Variants in GALM observed in about 807,000 individuals in gnomAD.
The protein encoded by GALM is galactose mutarotase.
Under a neutral mutation model 37.4 loss-of-function variants are expected in GALM, and 43 were observed. The observed-to-expected ratio is 1.15, with a 90% CI of 0.90 to 1.48. GALM has a LOEUF of 1.48. Among genes scored for constraint, GALM ranks in the 40% most tolerant of loss-of-function variants. The pLI is 0.00. For missense variants in GALM, 456 were observed against 419.1 expected (o/e 1.09, Z -0.77); for synonymous variants, 199 against 170.6 (o/e 1.17, Z -1.30).
intron 4 of GALM, among the ~76,000 whole-genome samples, chr2:38,711,788 C>CCATCAT (rs1666170574): frequency 2.3e-5 from 2 of 88,142 alleles, no homozygotes; most frequent in African/African-American, 4.2e-5. Flanking sequence ...ACTGTCACCA[C>CCATCAT]CATCACCATC....
At chr2:38,699,727 T>C (rs1665879009) in intron 4 of GALM, among the ~76,000 whole-genome samples, 2 of 152,234 alleles carry the variant, frequency 1.3e-5, no homozygotes, top group South Asian at 4.1e-4. Context: ...TCTGTGTATT[T>C]GTACAATTTC....
chr2:38,710,334 C>T (rs36027410), intron 4 of GALM, among the ~76,000 whole-genome samples: 1 of 152,204 alleles, frequency 6.6e-6, no homozygotes, highest in Admixed American at 6.5e-5. Flanking sequence ...TCCCAGACTT[C>T]TGCATTCTGC....
At chr2:38,686,271 TCTTTCTTA>T (rs1665528225) in intron 3 of GALM, among the ~76,000 whole-genome samples, 2 of 121,318 alleles carry the variant, frequency 1.6e-5, no homozygotes, top group Non-Finnish European at 3.5e-5. Flanking sequence ...TTTCTTTCTT[TCTTTCTTA>T]TTTTGAGATG....
intron 4 of GALM, among the ~76,000 whole-genome samples, chr2:38,691,954 C>G (rs1205225259): frequency 6.6e-6 from 1 of 152,118 alleles, no homozygotes; most frequent in Non-Finnish European, 1.5e-5. Flanking sequence ...TTTCTGGGGA[C>G]CAGTGAAAAT....
intron 4 of GALM, among the ~76,000 whole-genome samples, chr2:38,714,469 C>G (rs1666230677): frequency 1.3e-5 from 2 of 152,100 alleles, no homozygotes; most frequent in African/African-American, 4.8e-5. Context: ...CCCACCTCAG[C>G]CTGCAAAAGT....
chr2:38,713,587 G>A (rs1666212616), intron 4 of GALM, among the ~76,000 whole-genome samples: 1 of 152,116 alleles, frequency 6.6e-6, no homozygotes, highest in Non-Finnish European at 1.5e-5. Context: ...CAGTGGTTTA[G>A]GGCATGGTCT....
chr2:38,695,484 C>G (rs990497202), intron 4 of GALM, among the ~76,000 whole-genome samples: 2 of 152,172 alleles, frequency 1.3e-5, no homozygotes, highest in Non-Finnish European at 1.5e-5. Flanking sequence ...AGACCCTTTG[C>G]TCTACCTGGC....
At position 38,692,399 on chromosome 2, in the gene GALM, C is replaced by G. The variant is rs535413380; in HGVS notation, c.634+2505C>G. ...TCCACTGAGAACAAATCTCTAGGAG[C>G]CCAGATTTTCTCTCTTTTTTTCTTT... On this transcript the variant is annotated intron_variant, in intron 4 of 6. Coordinates refer to ENST00000272252, the MANE Select transcript of GALM (RefSeq NM_138801.3). Among the ~76,000 whole-genome samples, 12 of 152,178 alleles carry G rather than the reference C, an allele frequency of 7.9e-5. No homozygotes were observed. The South Asian group carries it at 1.9e-3, about 24-fold the overall frequency.
In GALM at chr2:38,678,017, CT is replaced by C. The variant is rs372206191; in HGVS notation, c.345+1967del. Among the ~76,000 whole-genome samples the C allele has an allele frequency of 6.8e-3, 936 of 138,228 alleles. 4 individuals are homozygous for C. Among genetic ancestry groups the C allele is most frequent in the African/African-American group, 0.017 (646 of 37,482 alleles). 90.7% of individuals were successfully genotyped at this position (138,228 alleles called of 152,430 possible). The stretch of plus-strand genomic sequence containing the variant: ...GAGGGGTGGGGAAAGACTTTGAACT[CT>C]TTTTTTTTTTTTTTTGAGGCAGAGT... On this transcript the variant is annotated intron_variant, in intron 2 of 6. Transcript: ENST00000272252.
intron 4 of GALM, among the ~76,000 whole-genome samples, chr2:38,699,327 T>C (rs1456920986): frequency 3.9e-5 from 6 of 152,262 alleles, no homozygotes; most frequent in Non-Finnish European, 7.3e-5. Flanking sequence ...ATGTTTACAA[T>C]GTATAAGGAT....
At chr2:38,723,887 C>T (rs1236241938) in intron 4 of GALM, among the ~76,000 whole-genome samples, 1 of 152,128 alleles carries the variant, frequency 6.6e-6, no homozygotes, top group Admixed American at 6.6e-5. Flanking sequence ...TGAGGACCAC[C>T]TAGGCTGTGT....
intron 4 of GALM, among the ~76,000 whole-genome samples, chr2:38,709,352 C>T (rs979362801): frequency 2.6e-5 from 4 of 152,104 alleles, no homozygotes; most frequent in African/African-American, 9.7e-5. Context: ...GGATGTCATC[C>T]TGATGGATCT....
At chr2:38,715,533 G>A (rs1433453291) in intron 4 of GALM, among the ~76,000 whole-genome samples, 2 of 152,124 alleles carry the variant, frequency 1.3e-5, no homozygotes, top group Non-Finnish European at 2.9e-5. Context: ...ATCCTCCTGG[G>A]CTCAAGTGAT....
chr2:38,693,483 CAAA>C (rs11339764), intron 4 of GALM, among the ~76,000 whole-genome samples: 9 of 101,242 alleles, frequency 8.9e-5, no homozygotes, highest in Admixed American at 3.2e-4. Context: ...ACTCTGCTTC[CAAA>C]AAAAAAAAAA....
intron 4 of GALM, among the ~76,000 whole-genome samples, chr2:38,726,042 G>A (rs1159114065): frequency 6.6e-6 from 1 of 151,628 alleles, no homozygotes; most frequent in East Asian, 2.0e-4. Context: ...AACATTGCAG[G>A]ACAAAAGCAT....
intron 4 of GALM, among the ~76,000 whole-genome samples, chr2:38,716,690 CAG>C (rs1226219810): frequency 6.6e-6 from 1 of 152,058 alleles, no homozygotes; most frequent in African/African-American, 2.4e-5. Context: ...CTTCAGAAAA[CAG>C]AATAAGCCAG....
In GALM at chr2:38,733,768, C is replaced by G; in HGVS notation, c.*203C>G. 3.5e-6 allele frequency: 2 copies of G among 567,462 alleles called. No homozygotes were observed. Among genetic ancestry groups the G allele is most frequent in the South Asian group, 3.7e-5 (2 of 54,358 alleles). 35.2% of individuals were successfully genotyped at this position (567,462 alleles called of 1,614,324 possible). ...GCCATGTCTAATGACCAGCTCGATT[C>G]CCTGTGCAGTTCAGAGGGCAAGTGA... On this transcript the variant is annotated 3_prime_UTR_variant, in exon 7 of 7. Coordinates refer to ENST00000272252, the MANE Select transcript of GALM (RefSeq NM_138801.3).
intron 4 of GALM, among the ~76,000 whole-genome samples, chr2:38,711,207 T>A (rs1666145896): frequency 6.7e-6 from 1 of 149,838 alleles, no homozygotes; most frequent in South Asian, 2.1e-4. Flanking sequence ...TTGCCCAGGC[T>A]GGCATGCAAT....
rs1666658802 is a variant in GALM at position 38,734,088 on chromosome 2, G to A, written c.*523G>A. On this transcript the variant is annotated 3_prime_UTR_variant, in exon 7 of 7. Transcript: ENST00000272252. ...GAAACTGAGGCTTACAGAGGTTGAA[G>A]ACCAACAAGCTAATAAATAAAAAGT... 2 of 165,332 alleles carry A rather than the reference G, an allele frequency of 1.2e-5. No individual in the cohort carries two copies. The highest frequency in any genetic ancestry group is 1.6e-4 in the South Asian group (1 of 6,200). 10.2% of individuals were successfully genotyped at this position (165,332 alleles called of 1,614,324 possible).
Sources: allele counts gnomAD v4.1 joint callset (sites outside exome capture counted in the v4.1 genomes callset), GRCh38; gene constraint gnomAD v4.1.1; transcripts MANE v1.5; gene names NCBI Gene and HGNC (gene_info 2026-07-23, HGNC 2026-07-21).